IMMP2L: variants seen among roughly 807,000 people sequenced by gnomAD.
IMMP2L encodes the protein mitochondrial inner membrane protease subunit 2.
Under a neutral mutation model 19.3 loss-of-function variants are expected in IMMP2L, and 18 were observed. The ratio of observed to expected loss-of-function variants is 0.93; its 90% CI spans 0.64 to 1.38. The LOEUF (loss-of-function observed/expected upper bound fraction) is 1.38, where lower values mean the gene tolerates loss of function less well. IMMP2L is among the 40% of genes most tolerant of loss of function. The probability of loss-of-function intolerance (pLI) is 0.00; values close to 1 mark genes in which losing one functional copy is unlikely to be tolerated. For synonymous variants in IMMP2L, 76 were observed against 73.0 expected (o/e 1.04, Z -0.21); for missense variants, 233 against 218.2 (o/e 1.07, Z -0.43).
intron 3 of IMMP2L, among the ~76,000 whole-genome samples, chr7:111,472,403 A>G (rs1841350128): frequency 6.6e-6 from 1 of 152,176 alleles, no homozygotes; most frequent in African/African-American, 2.4e-5. Context: ...ATACAAAATT[A>G]AAAGTTATAT....
intron 3 of IMMP2L, among the ~76,000 whole-genome samples, chr7:110,971,753 G>A (rs760706520): frequency 6.6e-5 from 10 of 152,010 alleles, no homozygotes; most frequent in Admixed American, 1.3e-4. Context: ...TGATATTTAT[G>A]GCCTGAAAAT....
intron 3 of IMMP2L, among the ~76,000 whole-genome samples, chr7:111,287,426 T>C (rs890841603): frequency 2.6e-5 from 4 of 152,104 alleles, no homozygotes; most frequent in Non-Finnish European, 4.4e-5. Context: ...ATAAAGGCTT[T>C]TGTATTAAAC....
chr7:111,493,889 A>ACTC (rs1248608959), intron 2 of IMMP2L, among the ~76,000 whole-genome samples: 1 of 149,380 alleles, frequency 6.7e-6, no homozygotes, highest in Non-Finnish European at 1.5e-5. Flanking sequence ...AGTCCCAGCT[A>ACTC]CTCGGGAGGC....
At chr7:111,555,329 T>A (rs535019210) in intron 1 of IMMP2L, among the ~76,000 whole-genome samples, 29 of 152,110 alleles carry the variant, frequency 1.9e-4, no homozygotes, top group South Asian at 1.2e-3. Flanking sequence ...AAGACAGCAG[T>A]GAACTGTGGG....
intron 5 of IMMP2L, among the ~76,000 whole-genome samples, chr7:110,804,029 A>T (rs1260781398): frequency 1.3e-5 from 2 of 152,070 alleles, no homozygotes; most frequent in Non-Finnish European, 2.9e-5. Flanking sequence ...GAGTAAATTA[A>T]GGAAGTGCAA....
chr7:111,183,234 A>T (rs2129611431), intron 3 of IMMP2L, among the ~76,000 whole-genome samples: 1 of 152,250 alleles, frequency 6.6e-6, no homozygotes, highest in East Asian at 1.9e-4. Context: ...TGTTAAAATT[A>T]TGTCGATAAA....
intron 5 of IMMP2L, among the ~76,000 whole-genome samples, chr7:110,782,226 A>C (rs1562971635): frequency 6.6e-6 from 1 of 151,928 alleles, no homozygotes; most frequent in Non-Finnish European, 1.5e-5. Context: ...TGACAAACAT[A>C]TTTTAAGCCT....
intron 3 of IMMP2L, among the ~76,000 whole-genome samples, chr7:111,206,670 G>T (rs1586827204): frequency 6.6e-6 from 1 of 152,196 alleles, no homozygotes; most frequent in East Asian, 1.9e-4. Flanking sequence ...TACTCTTTCA[G>T]TTATTTTAAA....
chr7:110,675,012 C>CT (rs1792194832), intron 5 of IMMP2L, among the ~76,000 whole-genome samples: 1 of 152,170 alleles, frequency 6.6e-6, no homozygotes, highest in African/African-American at 2.4e-5. Flanking sequence ...GAATCAAGGC[C>CT]TGGTATAGGG....
At chr7:111,493,613 G>T (rs1322781387) in intron 2 of IMMP2L, among the ~76,000 whole-genome samples, 2 of 151,998 alleles carry the variant, frequency 1.3e-5, no homozygotes, top group African/African-American at 2.4e-5. Context: ...GCTGAGACAG[G>T]AGAACGGCGT....
intron 3 of IMMP2L, among the ~76,000 whole-genome samples, chr7:111,194,238 T>G (rs1809220109): frequency 6.6e-6 from 1 of 152,182 alleles, no homozygotes; most frequent in Non-Finnish European, 1.5e-5. Context: ...AAGGAACTTG[T>G]CTATTGTGAC....
chr7:111,448,102 A>C (rs1315953501), intron 3 of IMMP2L, among the ~76,000 whole-genome samples: 1 of 142,062 alleles, frequency 7.0e-6, no homozygotes, highest in Non-Finnish European at 1.5e-5. Flanking sequence ...CCCACACATT[A>C]ATAATGGGAG....
At chr7:110,881,044 C>T (rs1226407631) in intron 5 of IMMP2L, among the ~76,000 whole-genome samples, 1 of 152,050 alleles carries the variant, frequency 6.6e-6, no homozygotes. Context: ...ATTATGTTTC[C>T]AAGCTCTCTT....
intron 3 of IMMP2L, among the ~76,000 whole-genome samples, chr7:111,381,934 G>C (rs116839569): frequency 0.017 from 2,529 of 152,030 alleles, 94 homozygotes; most frequent in African/African-American, 0.058. Flanking sequence ...ACAGGAAAGA[G>C]GAACACTTTT....
At chr7:110,946,691 TA>T (rs1196398834) in intron 4 of IMMP2L, among the ~76,000 whole-genome samples, 1 of 150,150 alleles carries the variant, frequency 6.7e-6, no homozygotes, top group Non-Finnish European at 1.5e-5. Context: ...ATTAACATAT[TA>T]AAACTGTTAA....
At chr7:111,046,015 T>C (rs1034363389) in intron 3 of IMMP2L, among the ~76,000 whole-genome samples, 2 of 151,352 alleles carry the variant, frequency 1.3e-5, no homozygotes, top group Non-Finnish European at 2.9e-5. Context: ...TTAGGAGAAA[T>C]ACTCACTAGA....
chr7:111,200,923 C>A (rs749560280), intron 3 of IMMP2L, among the ~76,000 whole-genome samples: 1 of 152,142 alleles, frequency 6.6e-6, no homozygotes, highest in Non-Finnish European at 1.5e-5. Flanking sequence ...TTATTTTATT[C>A]AATAACAATT....
chr7:111,336,895 G>A (rs1162099484), intron 3 of IMMP2L, among the ~76,000 whole-genome samples: 2 of 150,998 alleles, frequency 1.3e-5, no homozygotes, highest in Non-Finnish European at 2.9e-5. Context: ...ATAAGGTAAA[G>A]TGGCTTAACA....
At chr7:111,039,176 C>T (rs564497446) in intron 3 of IMMP2L, among the ~76,000 whole-genome samples, 13 of 152,106 alleles carry the variant, frequency 8.5e-5, no homozygotes, top group South Asian at 2.1e-4. Flanking sequence ...GCATCTGTTC[C>T]GACCATCAAT....
Sources: gnomAD v4.1 joint callset for allele counts (sites outside exome capture counted in the v4.1 genomes callset) on GRCh38, gnomAD v4.1.1 for gene constraint, MANE v1.5 for transcripts, NCBI Gene and HGNC (gene_info 2026-07-23, HGNC 2026-07-21) for gene names.